The following PEX5L variants were observed in gnomAD, a reference collection of about 807,000 sequenced individuals.
PEX5L encodes peroxisomal biogenesis factor 5 like.
A neutral mutation model predicts 84.0 loss-of-function variants in PEX5L; 30 were observed. The observed-to-expected ratio is 0.36, with a 90% CI of 0.27 to 0.48. PEX5L has a LOEUF of 0.48. Among genes scored for constraint, PEX5L ranks in the 20% least tolerant of loss-of-function variants. The pLI is 0.99. For synonymous variants in PEX5L, 270 were observed against 283.1 expected, an observed-to-expected ratio of 0.95 and a Z score of 0.46; for missense variants, 533 against 754.6, an observed-to-expected ratio of 0.71 and a Z score of 3.44.
intron 8 of PEX5L, among the ~76,000 whole-genome samples, chr3:179,828,886 ATCCTCACATC>A (rs2109085479): frequency 6.6e-6 from 1 of 152,308 alleles, no homozygotes; most frequent in Admixed American, 6.5e-5. Context: ...AGGTTTTCTC[ATCCTCACATC>A]TGCTGTGTGA....
chr3:179,818,009 A>G (rs1226685008), intron 9 of PEX5L, among the ~76,000 whole-genome samples: 1 of 152,150 alleles, frequency 6.6e-6, no homozygotes, highest in Non-Finnish European at 1.5e-5. Context: ...ATTTTATGAG[A>G]TTGCCTGGCC....
At chr3:179,855,451 A>T (rs1743568559) in intron 8 of PEX5L, among the ~76,000 whole-genome samples, 1 of 152,214 alleles carries the variant, frequency 6.6e-6, no homozygotes, top group Admixed American at 6.5e-5. Context: ...TCCATGACTT[A>T]CAACTTTCCC....
At chr3:180,013,562 G>A (rs1789670309) in intron 1 of PEX5L, among the ~76,000 whole-genome samples, 1 of 151,966 alleles carries the variant, frequency 6.6e-6, no homozygotes, top group Non-Finnish European at 1.5e-5. Context: ...ACTCTATCTG[G>A]TGTCTTCAAC....
intron 1 of PEX5L, among the ~76,000 whole-genome samples, chr3:179,988,882 G>T (rs2110361320): frequency 6.6e-6 from 1 of 152,278 alleles, no homozygotes; most frequent in African/African-American, 2.4e-5. Context: ...GCATTGTAAA[G>T]AAATAAACTT....
intron 1 of PEX5L, among the ~76,000 whole-genome samples, chr3:180,029,970 T>C (rs1327700513): frequency 2.0e-5 from 3 of 152,178 alleles, no homozygotes; most frequent in Admixed American, 2.0e-4. Context: ...CATTTGCTCA[T>C]GGTGTTTTAA....
rs764825326 is a variant in PEX5L, at chr3:179,874,322, G to A, written c.726+5C>T. Reference sequence around the variant, plus strand: ...ATGTGTTCATTGAATAATCAGTTTTGTTACCTGAGTCGGAGCCACTAATTC... The same window carrying A: ...ATGTGTTCATTGAATAATCAGTTTTATTACCTGAGTCGGAGCCACTAATTC... On this transcript the variant is annotated splice_donor_5th_base_variant and intron_variant, in intron 7 of 14. Transcript: ENST00000467460. 1.9e-6 allele frequency: 3 copies of A among 1,553,408 alleles called. No individual in the cohort carries two copies. The highest frequency in any genetic ancestry group is 1.1e-5 in the South Asian group (1 of 89,630).
At chr3:179,841,944 C>T (rs1737477004) in intron 8 of PEX5L, among the ~76,000 whole-genome samples, 1 of 152,176 alleles carries the variant, frequency 6.6e-6, no homozygotes, top group South Asian at 2.1e-4. Flanking sequence ...AGATAAATAG[C>T]ACACAGCATA....
chr3:179,945,221 T>G (rs1247381279), intron 2 of PEX5L, among the ~76,000 whole-genome samples: 1 of 152,162 alleles, frequency 6.6e-6, no homozygotes, highest in East Asian at 1.9e-4. Flanking sequence ...CTTGCTCCTT[T>G]TTAGAATGGT....
chr3:179,941,710 A>G (rs534871544), intron 2 of PEX5L, among the ~76,000 whole-genome samples: 38 of 152,284 alleles, frequency 2.5e-4, no homozygotes, highest in African/African-American at 8.9e-4. Flanking sequence ...ATAAGAATAG[A>G]ATATTTCTCA....
intron 1 of PEX5L, among the ~76,000 whole-genome samples, chr3:180,006,848 C>T (rs976417929): frequency 2.0e-5 from 3 of 152,146 alleles, no homozygotes; most frequent in African/African-American, 7.2e-5. Flanking sequence ...CCCTTGGGTC[C>T]CTCCCACAAC....
intron 2 of PEX5L, among the ~76,000 whole-genome samples, chr3:179,952,305 G>A (rs1023720088): frequency 6.6e-6 from 1 of 152,066 alleles, no homozygotes; most frequent in Non-Finnish European, 1.5e-5. Flanking sequence ...TTCAAATGTC[G>A]AGAAAGAAAT....
At chr3:179,950,426 C>T (rs7636065) in intron 2 of PEX5L, among the ~76,000 whole-genome samples, 88,559 of 151,638 alleles carry the variant, frequency 0.58, 26,865 homozygotes, top group African/African-American at 0.75. Context: ...TACGAGTTAA[C>T]GGGTGCAGCA....
chr3:179,843,736 T>A (rs1738174053), intron 8 of PEX5L, among the ~76,000 whole-genome samples: 1 of 152,240 alleles, frequency 6.6e-6, no homozygotes, highest in Non-Finnish European at 1.5e-5. Flanking sequence ...ATGTACTTTT[T>A]AATTTTTGTA....
Position 179,797,605 on chromosome 3 carries a change from A to AAATATATATATATATATATATAT in PEX5L, c.*4222_*4223insATATATATATATATATATATATT, listed in dbSNP as rs1553807980. The AAATATATATATATATATATATAT allele has an allele frequency of 1.1e-5, 1 of 89,156 alleles. No homozygotes were observed. Among genetic ancestry groups the AAATATATATATATATATATATAT allele is most frequent in the African/African-American group, 4.5e-5 (1 of 22,214 alleles). The allele number at this position is 89,156 out of a possible 1,614,324, so 5.5% of individuals were successfully genotyped here. On this transcript the variant is annotated 3_prime_UTR_variant, in exon 15 of 15. Transcript: ENST00000467460. Reference sequence around the variant, plus strand: ...AACACTCTTTAAAAAAAAAAAAAAAAATATATATATATATATATATATATA... The same window carrying AAATATATATATATATATATATAT: ...AACACTCTTTAAAAAAAAAAAAAAAAAATATATATATATATATATATATATATATATATATATATATATATATA...
chr3:179,991,791 GTC>G (rs994766205), intron 1 of PEX5L, among the ~76,000 whole-genome samples: 2 of 151,888 alleles, frequency 1.3e-5, no homozygotes, highest in African/African-American at 4.8e-5. Context: ...CTTTCTCCCT[GTC>G]TCTCTTTTCT....
intron 8 of PEX5L, among the ~76,000 whole-genome samples, chr3:179,827,169 T>G (rs1730817402): frequency 6.6e-6 from 1 of 152,238 alleles, no homozygotes; most frequent in Non-Finnish European, 1.5e-5. Context: ...TAAGAGTTTG[T>G]CTATTGCTCT....
At chr3:179,995,104 C>T (rs1466654711) in intron 1 of PEX5L, among the ~76,000 whole-genome samples, 3 of 146,800 alleles carry the variant, frequency 2.0e-5, no homozygotes, top group Non-Finnish European at 4.5e-5. Flanking sequence ...TATATATACA[C>T]ACACTATATA....
chr3:179,853,754 C>T (rs949778202), intron 8 of PEX5L, among the ~76,000 whole-genome samples: 1 of 151,702 alleles, frequency 6.6e-6, no homozygotes, highest in Non-Finnish European at 1.5e-5. Flanking sequence ...TTTCTTTTCT[C>T]TTCTTCCTCC....
intron 8 of PEX5L, among the ~76,000 whole-genome samples, chr3:179,844,703 G>A (rs1391128333): frequency 1.3e-5 from 2 of 152,070 alleles, no homozygotes; most frequent in African/African-American, 4.8e-5. Flanking sequence ...GGTGGCAGGC[G>A]CCTGTAGTCC....
Sources: allele counts gnomAD v4.1 joint callset (sites outside exome capture counted in the v4.1 genomes callset), GRCh38; gene constraint gnomAD v4.1.1; transcripts MANE v1.5; gene names NCBI Gene and HGNC (gene_info 2026-07-23, HGNC 2026-07-21).